The following PRKCB variants were observed in gnomAD, a reference collection of about 807,000 sequenced individuals.
PRKCB encodes the protein protein kinase C beta type.
In PRKCB, 13 loss-of-function variants were observed where a neutral mutation model predicts 81.5. The observed-to-expected ratio is 0.16, with a 90% CI of 0.10 to 0.25. PRKCB has a LOEUF of 0.25. Ranked by LOEUF, PRKCB falls within the 10% of genes least tolerant of loss-of-function variation. The probability of loss-of-function intolerance (pLI) is 1.00; values close to 1 mark genes in which losing one functional copy is unlikely to be tolerated. For missense variants in PRKCB, 509 were observed against 875.7 expected (o/e 0.58, Z 5.29); for synonymous variants, 335 against 321.4 (o/e 1.04, Z -0.45).
intron 16 of PRKCB, among the ~76,000 whole-genome samples, chr16:24,204,422 A>G (rs1968011750): frequency 6.6e-6 from 1 of 152,234 alleles, no homozygotes; most frequent in East Asian, 1.9e-4. Context: ...GACCCTGAAC[A>G]AACTGTTAAC....
chr16:23,906,570 G>T (rs1421737790), intron 2 of PRKCB, among the ~76,000 whole-genome samples: 2 of 151,826 alleles, frequency 1.3e-5, no homozygotes, highest in African/African-American at 2.4e-5. Flanking sequence ...TTTGTGTCTT[G>T]CTTAGAAAGG....
chr16:23,992,907 T>C (rs1191021159), intron 3 of PRKCB, among the ~76,000 whole-genome samples: 2 of 152,174 alleles, frequency 1.3e-5, no homozygotes, highest in Non-Finnish European at 2.9e-5. Context: ...GTCTTTTTTT[T>C]ACCAGTGGAA....
chr16:23,931,805 G>T (rs1330524415), intron 2 of PRKCB, among the ~76,000 whole-genome samples: 2 of 152,182 alleles, frequency 1.3e-5, no homozygotes, highest in African/African-American at 4.8e-5. Context: ...AGGATGACTT[G>T]AAAGCCTATG....
chr16:23,865,170 G>A (rs1962749374), intron 2 of PRKCB, among the ~76,000 whole-genome samples: 1 of 152,018 alleles, frequency 6.6e-6, no homozygotes. Context: ...ACACAAGTTA[G>A]AAAACCTAGA....
intron 2 of PRKCB, among the ~76,000 whole-genome samples, chr16:23,918,932 G>C (rs554286508): frequency 2.0e-5 from 3 of 152,318 alleles, no homozygotes; most frequent in Admixed American, 1.3e-4. Context: ...ATTAAGGATT[G>C]AGATGACTTG....
At chr16:24,180,685 C>G (rs1189163749) in intron 12 of PRKCB, 105 bp from the exon 13 acceptor site, 1 of 1,369,838 alleles carries the variant, frequency 7.3e-7, no homozygotes, top group Admixed American at 1.9e-5. Flanking sequence ...GACCTTTGTG[C>G]CCACACAACA....
intron 2 of PRKCB, among the ~76,000 whole-genome samples, chr16:23,864,673 C>T (rs1195737855): frequency 1.3e-5 from 2 of 152,290 alleles, no homozygotes; most frequent in African/African-American, 4.8e-5. Context: ...CTGTATCCCT[C>T]CATCCCTGAG....
intron 2 of PRKCB, among the ~76,000 whole-genome samples, chr16:23,844,332 T>C (rs982370717): frequency 2.0e-5 from 3 of 152,236 alleles, no homozygotes; most frequent in Admixed American, 6.5e-5. Flanking sequence ...CATATGGCAT[T>C]TGGAGGTGTG....
intron 3 of PRKCB, among the ~76,000 whole-genome samples, chr16:23,992,675 A>G (rs1964902447): frequency 6.6e-6 from 1 of 152,232 alleles, no homozygotes; most frequent in Non-Finnish European, 1.5e-5. Context: ...AGAGCCTTCT[A>G]GCCTGTAGTT....
In PRKCB at chr16:24,074,355, C is replaced by G. The variant is rs115169992; in HGVS notation, c.530-18436C>G. Among the ~76,000 whole-genome samples the G allele has an allele frequency of 7.9e-3, 1,202 of 152,238 alleles. 21 individuals are homozygous for G. The highest frequency in any genetic ancestry group is 0.027 in the African/African-American group (1,127 of 41,546). ...AAATCCCGCTCTACTGTTATCAGCT[C>G]TCTGTATACCTTGGACAAGTCACTC... On this transcript the variant is annotated intron_variant, in intron 5 of 16. Transcript: ENST00000643927.
chr16:23,926,781 A>C (rs959925567), intron 2 of PRKCB, among the ~76,000 whole-genome samples: 1 of 151,920 alleles, frequency 6.6e-6, no homozygotes, highest in Non-Finnish European at 1.5e-5. Flanking sequence ...GTATGAGTGC[A>C]GGCATCTTTT....
At chr16:24,014,169 G>C (rs1214661931) in intron 3 of PRKCB, among the ~76,000 whole-genome samples, 3 of 152,098 alleles carry the variant, frequency 2.0e-5, no homozygotes, top group Non-Finnish European at 4.4e-5. Flanking sequence ...TTTGCAAGTT[G>C]AATAATCTTA....
chr16:23,842,320 G>A (rs1962282185), intron 2 of PRKCB, among the ~76,000 whole-genome samples: 1 of 152,158 alleles, frequency 6.6e-6, no homozygotes, highest in Non-Finnish European at 1.5e-5. Flanking sequence ...GAATAATGAG[G>A]TGGTGCATGA....
intron 2 of PRKCB, among the ~76,000 whole-genome samples, chr16:23,885,599 G>T (rs567858862): frequency 6.7e-6 from 1 of 149,740 alleles, no homozygotes; most frequent in East Asian, 1.9e-4. Flanking sequence ...GAGCCACTGT[G>T]CCTGGCCTAT....
Position 24,035,567 on chromosome 16 carries a change from C to G in PRKCB, c.529+20C>G. The G allele has an allele frequency of 6.2e-7, 1 of 1,610,344 alleles. No individual in the cohort carries two copies. Among genetic ancestry groups the G allele is most frequent in the South Asian group, 1.1e-5 (1 of 90,612 alleles). ...TCCTCGGTAGGTGGCCCTGGGGCTC[C>G]ACTGGCTCCTGACCTTGCTTGACCT... On this transcript the variant is annotated intron_variant, in intron 5 of 16. Transcript: ENST00000643927.
intron 3 of PRKCB, among the ~76,000 whole-genome samples, chr16:24,006,130 C>T (rs1054341290): frequency 1.3e-4 from 20 of 152,224 alleles, no homozygotes; most frequent in African/African-American, 4.6e-4. Flanking sequence ...AGTGCACCAT[C>T]CTGCTGAAAT....
At chr16:23,898,864 C>T (rs188285413) in intron 2 of PRKCB, among the ~76,000 whole-genome samples, 271 of 152,314 alleles carry the variant, frequency 1.8e-3, no homozygotes, top group Middle Eastern at 6.8e-3. Flanking sequence ...ACTCCTTGCA[C>T]CTTGGTCTAT....
At chr16:24,067,374 G>A (rs996092499) in intron 5 of PRKCB, among the ~76,000 whole-genome samples, 3 of 151,256 alleles carry the variant, frequency 2.0e-5, no homozygotes, top group African/African-American at 7.3e-5. Flanking sequence ...ATCATAGCTC[G>A]CTGCAGCCTC....
intron 5 of PRKCB, among the ~76,000 whole-genome samples, chr16:24,051,212 G>T (rs929782324): frequency 4.6e-5 from 7 of 152,240 alleles, no homozygotes; most frequent in African/African-American, 1.4e-4. Flanking sequence ...GGAGGCAGAG[G>T]AAGCGGAAAG....
Sources: allele counts gnomAD v4.1 joint callset (sites outside exome capture counted in the v4.1 genomes callset), GRCh38; gene constraint gnomAD v4.1.1; transcripts MANE v1.5; gene names NCBI Gene and HGNC (gene_info 2026-07-23, HGNC 2026-07-21).